Variants in FNBP1L observed in about 807,000 individuals in gnomAD.
The protein encoded by FNBP1L is formin-binding protein 1-like.
FNBP1L carries 36 observed loss-of-function variants against 91.2 expected under a neutral mutation model. The ratio of observed to expected loss-of-function variants is 0.39; its 90% CI spans 0.30 to 0.52. FNBP1L has a LOEUF of 0.52. Among genes scored for constraint, FNBP1L ranks in the 20% least tolerant of loss-of-function variants. FNBP1L has a pLI of 0.66. For synonymous variants in FNBP1L, 242 were observed against 237.0 expected (o/e 1.02, Z -0.19); for missense variants, 571 against 732.1 (o/e 0.78, Z 2.54).
chr1:93,460,971 A>G (rs1043288253), intron 1 of FNBP1L, among the ~76,000 whole-genome samples: 3 of 152,142 alleles, frequency 2.0e-5, no homozygotes, highest in Non-Finnish European at 2.9e-5. Flanking sequence ...TAGGTTTTTT[A>G]TGTTTAGTTT....
At chr1:93,488,620 G>A (rs1669993483) in intron 1 of FNBP1L, among the ~76,000 whole-genome samples, 1 of 152,236 alleles carries the variant, frequency 6.6e-6, no homozygotes, top group East Asian at 1.9e-4. Flanking sequence ...GCATTCTGGC[G>A]CTCACACACT....
chr1:93,463,459 A>G (rs771747959), intron 1 of FNBP1L, among the ~76,000 whole-genome samples: 11 of 152,184 alleles, frequency 7.2e-5, no homozygotes, highest in Non-Finnish European at 1.3e-4. Context: ...TTGAAAAACC[A>G]TAAGTTGGGG....
At chr1:93,475,935 A>G (rs1009487689) in intron 1 of FNBP1L, among the ~76,000 whole-genome samples, 2 of 152,214 alleles carry the variant, frequency 1.3e-5, no homozygotes, top group Non-Finnish European at 2.9e-5. Flanking sequence ...GCTGATTTCT[A>G]CATATTCTGT....
intron 1 of FNBP1L, among the ~76,000 whole-genome samples, chr1:93,491,724 A>G (rs1670097768): frequency 6.6e-6 from 1 of 152,162 alleles, no homozygotes; most frequent in African/African-American, 2.4e-5. Flanking sequence ...GCTGATTGCT[A>G]TTTTTTGAAG....
At chr1:93,524,175 A>T in intron 4 of FNBP1L, 86 bp from the exon 5 acceptor site, 2 of 1,109,938 alleles carry the variant, frequency 1.8e-6, no homozygotes, top group Non-Finnish European at 2.4e-6. Flanking sequence ...GGGACTTTAG[A>T]CTTTAGTGTT....
Position 93,552,532 on chromosome 1 carries a change from TG to T in FNBP1L, c.*117del. On this transcript the variant is annotated 3_prime_UTR_variant, in exon 17 of 17. Transcript: ENST00000271234. ...GAGTGAGAGAAGCAAGTTGCATGAG[TG>T]CATGCAGACATGATTTTTTTTTTAC... 7 of 1,090,558 alleles carry T rather than the reference TG, an allele frequency of 6.4e-6. No homozygotes were observed. Among genetic ancestry groups the T allele is most frequent in the Non-Finnish European group, 9.1e-6 (7 of 767,346 alleles). The allele number at this position is 1,090,558 out of a possible 1,614,324, so 67.6% of individuals were successfully genotyped here.
In FNBP1L at chr1:93,448,161, A is replaced by G; in HGVS notation, c.-121A>G. 1.6e-6 allele frequency: 2 copies of G among 1,289,806 alleles called. No individual in the cohort carries two copies. Among genetic ancestry groups the G allele is most frequent in the South Asian group, 2.8e-5 (2 of 72,244 alleles). The allele number at this position is 1,289,806 out of a possible 1,614,324, so 79.9% of individuals were successfully genotyped here. On this transcript the variant is annotated 5_prime_UTR_variant, in exon 1 of 17. Coordinates refer to ENST00000271234, the MANE Select transcript of FNBP1L (RefSeq NM_001164473.3). ...CACTGGGGAGCCCGGCGGTGGCGGC[A>G]CCTTTCGAGGTAGACCCGCTGAGCT...
chr1:93,546,494 A>G (rs1385029610), intron 12 of FNBP1L, among the ~76,000 whole-genome samples: 1 of 152,172 alleles, frequency 6.6e-6, no homozygotes, highest in Non-Finnish European at 1.5e-5. Flanking sequence ...GAGTTGGAAT[A>G]TAATGAGTTT....
intron 1 of FNBP1L, among the ~76,000 whole-genome samples, chr1:93,453,230 T>G (rs1054030245): frequency 3.9e-5 from 6 of 152,216 alleles, no homozygotes; most frequent in African/African-American, 1.4e-4. Flanking sequence ...CAACATTGTA[T>G]TACAGACGTT....
intron 1 of FNBP1L, among the ~76,000 whole-genome samples, chr1:93,459,940 G>T (rs1668803732): frequency 1.8e-5 from 1 of 54,830 alleles, no homozygotes; most frequent in Admixed American, 2.1e-4. Flanking sequence ...TTGGATTTCA[G>T]ATGTGTGTGT....
At chr1:93,483,506 T>C (rs1669789825) in intron 1 of FNBP1L, among the ~76,000 whole-genome samples, 1 of 152,214 alleles carries the variant, frequency 6.6e-6, no homozygotes, top group Non-Finnish European at 1.5e-5. Flanking sequence ...GATTAAATTA[T>C]TATGCATCTA....
chr1:93,540,458 C>T (rs962883208), intron 10 of FNBP1L, among the ~76,000 whole-genome samples: 1 of 151,970 alleles, frequency 6.6e-6, no homozygotes, highest in Admixed American at 6.6e-5. Context: ...CTGGATAACT[C>T]ACTATTTTGA....
chr1:93,452,056 C>T (rs1668516000), intron 1 of FNBP1L, among the ~76,000 whole-genome samples: 3 of 152,106 alleles, frequency 2.0e-5, no homozygotes, highest in Admixed American at 2.0e-4. Flanking sequence ...TATGTATTAT[C>T]CTCAGTGTTA....
chr1:93,546,878 G>A lies in FNBP1L; in HGVS notation c.1311G>A (p.Lys437=). The A allele has an allele frequency of 1.2e-6, 2 of 1,612,914 alleles. No individual in the cohort carries two copies. The highest frequency in any genetic ancestry group is 2.2e-5 in the South Asian group (2 of 90,918). ...ACAAAATGAAAGATGTATATGAGAA[G>A]AATCCACAAATGGGGGATCCAGGGA... ...ALNKMKDVYE[K]NPQMGDPGSL... The change falls in exon 13 of 17, where the codon AAG becomes AAA. Residue 437 remains lysine, a synonymous_variant. Transcript: ENST00000271234.
chr1:93,536,194 A>T, intron 9 of FNBP1L, 138 bp from the exon 10 acceptor site: 1 of 547,874 alleles, frequency 1.8e-6, no homozygotes, highest in Non-Finnish European at 2.9e-6. Flanking sequence ...AACTATGTTT[A>T]CTTTCTCATA....
intron 5 of FNBP1L, among the ~76,000 whole-genome samples, chr1:93,527,048 GCCT>G (rs1256288109): frequency 6.6e-6 from 1 of 152,040 alleles, no homozygotes; most frequent in African/African-American, 2.4e-5. Flanking sequence ...AATTACAAGT[GCCT>G]CATTTGGTGT....
chr1:93,529,097 A>G (rs987170161), intron 5 of FNBP1L, among the ~76,000 whole-genome samples: 7 of 152,100 alleles, frequency 4.6e-5, no homozygotes, highest in African/African-American at 1.7e-4. Flanking sequence ...TACCCAAGCT[A>G]CATTGGATCT....
chr1:93,544,263 C>A, intron 12 of FNBP1L, 47 bp downstream of exon 12: 1 of 1,323,992 alleles, frequency 7.6e-7, no homozygotes, highest in Non-Finnish European at 1.1e-6. Context: ...TTAGGATCTA[C>A]TTTGAGTGAC....
chr1:93,545,487 TA>T (rs1032991331), intron 12 of FNBP1L, among the ~76,000 whole-genome samples: 4 of 152,106 alleles, frequency 2.6e-5, no homozygotes, highest in African/African-American at 9.7e-5. Flanking sequence ...GAGACTTGGT[TA>T]AAAATTATGT....
Sources: allele counts gnomAD v4.1 joint callset (sites outside exome capture counted in the v4.1 genomes callset), GRCh38; gene constraint gnomAD v4.1.1; transcripts MANE v1.5; gene names NCBI Gene and HGNC (gene_info 2026-07-23, HGNC 2026-07-21).